Variants in AOPEP observed in about 807,000 individuals in gnomAD.
AOPEP encodes the protein aminopeptidase O (putative), also known as aminopeptidase O.
Under a neutral mutation model 98.1 loss-of-function variants are expected in AOPEP, and 77 were observed. The ratio of observed to expected loss-of-function variants is 0.78; its 90% CI spans 0.65 to 0.95. The LOEUF is 0.95. Among genes scored for constraint, AOPEP ranks in the 40% least tolerant of loss-of-function variants. The pLI is 0.00. For synonymous variants in AOPEP, 346 were observed against 365.3 expected (o/e 0.95, Z 0.60); for missense variants, 1,024 against 1,024.7 (o/e 1.00, Z 0.01).
intron 3 of AOPEP, among the ~76,000 whole-genome samples, chr9:94,775,781 T>G (rs1014390974): frequency 3.9e-5 from 6 of 152,066 alleles, no homozygotes; most frequent in African/African-American, 1.4e-4. Flanking sequence ...GAGACCATTC[T>G]GGCTAACACG....
At chr9:94,920,884 A>G (rs1328582782) in intron 5 of AOPEP, among the ~76,000 whole-genome samples, 2 of 152,154 alleles carry the variant, frequency 1.3e-5, no homozygotes, top group African/African-American at 4.8e-5. Flanking sequence ...TCTGCTGGGG[A>G]AGAATGACAA....
chr9:94,864,273 T>C (rs1408895739), intron 5 of AOPEP, among the ~76,000 whole-genome samples: 3 of 152,226 alleles, frequency 2.0e-5, no homozygotes, highest in Non-Finnish European at 4.4e-5. Context: ...GAAATAATTA[T>C]GAGATAATAG....
chr9:94,817,981 A>G (rs950435094), intron 5 of AOPEP, among the ~76,000 whole-genome samples: 2 of 152,164 alleles, frequency 1.3e-5, no homozygotes, highest in African/African-American at 4.8e-5. Context: ...TGCTCCTTGG[A>G]AGCCATCCAG....
At chr9:95,144,319 C>A in the AOPEP span, among the ~76,000 whole-genome samples, 2 of 152,210 alleles carry the variant, frequency 1.3e-5, no homozygotes, top group African/African-American at 4.8e-5. Flanking sequence ...GACCACCCAG[C>A]ACTTCTGGAC....
chr9:94,753,864 A>G (rs1836399286), intron 1 of AOPEP, among the ~76,000 whole-genome samples: 1 of 152,188 alleles, frequency 6.6e-6, no homozygotes, highest in African/African-American at 2.4e-5. Context: ...TCTTCTCAGG[A>G]TACACCTGTG....
At chr9:94,924,410 G>A (rs1284357267) in intron 6 of AOPEP, among the ~76,000 whole-genome samples, 1 of 152,228 alleles carries the variant, frequency 6.6e-6, no homozygotes, top group Admixed American at 6.5e-5. Flanking sequence ...TTGGAGTACT[G>A]TGAAGAGAAA....
chr9:94,898,611 G>A (rs2049912660), intron 5 of AOPEP, among the ~76,000 whole-genome samples: 1 of 144,796 alleles, frequency 6.9e-6, no homozygotes, highest in Non-Finnish European at 1.5e-5. Flanking sequence ...CAGCCTGGGC[G>A]ACAGAACAAG....
chr9:95,024,620 G>A (rs983296599), intron 13 of AOPEP, among the ~76,000 whole-genome samples: 3 of 152,238 alleles, frequency 2.0e-5, no homozygotes, highest in African/African-American at 7.2e-5. Context: ...GTTCCATGAG[G>A]CCTTTGGCCG....
At chr9:94,877,353 C>A (rs945869200) in intron 5 of AOPEP, among the ~76,000 whole-genome samples, 1 of 151,138 alleles carries the variant, frequency 6.6e-6, no homozygotes, top group Admixed American at 6.6e-5. Context: ...TTTTTGGGTT[C>A]GTTTATAGCA....
At chr9:94,985,199 G>A (rs1262601986) in intron 11 of AOPEP, among the ~76,000 whole-genome samples, 1 of 152,230 alleles carries the variant, frequency 6.6e-6, no homozygotes, top group Non-Finnish European at 1.5e-5. Context: ...CCCAGAAATA[G>A]GCAGAAAGCA....
intron 3 of AOPEP, among the ~76,000 whole-genome samples, chr9:94,791,503 C>CAA (rs34364751): frequency 1.5e-4 from 21 of 137,010 alleles, no homozygotes; most frequent in Admixed American, 7.8e-4. Flanking sequence ...ACCTGTCTCT[C>CAA]AAAAAAAAAA....
At chr9:94,984,862 C>T (rs1407318268) in intron 11 of AOPEP, among the ~76,000 whole-genome samples, 1 of 152,188 alleles carries the variant, frequency 6.6e-6, no homozygotes, top group African/African-American at 2.4e-5. Flanking sequence ...AAAGATAGAG[C>T]TGGTTAATCC....
At chr9:94,803,047 G>T (rs915409817) in intron 5 of AOPEP, among the ~76,000 whole-genome samples, 7 of 152,150 alleles carry the variant, frequency 4.6e-5, no homozygotes, top group African/African-American at 1.7e-4. Context: ...TTTGCTTGAG[G>T]TTTTATAAAG....
intron 5 of AOPEP, among the ~76,000 whole-genome samples, chr9:94,847,975 T>C (rs779745616): frequency 3.3e-5 from 5 of 152,140 alleles, no homozygotes; most frequent in Non-Finnish European, 5.9e-5. Context: ...TGGGGACATA[T>C]CACTTAGGCT....
Position 94,792,650 on chromosome 9 carries a change from G to A in AOPEP, c.965-115G>A, listed in dbSNP as rs1588236989. 2.5e-5 allele frequency: 25 copies of A among 1,006,932 alleles called. No individual in the cohort carries two copies. In the East Asian group the frequency reaches 6.2e-4, roughly 25 times the overall value. The allele number at this position is 1,006,932 out of a possible 1,614,324, so 62.4% of individuals were successfully genotyped here. ...CTGCTGACGTGACCGACCTCCAAGAGTTGGCTCTTACCAGCTTATCACAAA... is the reference window on the plus strand; with the variant it reads ...CTGCTGACGTGACCGACCTCCAAGAATTGGCTCTTACCAGCTTATCACAAA... On this transcript the variant is annotated intron_variant, in intron 3 of 16. Coordinates refer to ENST00000375315, the MANE Select transcript of AOPEP (RefSeq NM_001193329.3).
chr9:95,029,160 TCTC>T (rs1341997001), intron 13 of AOPEP, among the ~76,000 whole-genome samples: 3 of 152,134 alleles, frequency 2.0e-5, no homozygotes, highest in East Asian at 1.9e-4. Context: ...CAACATGAAA[TCTC>T]CTGTCACCGT....
intron 5 of AOPEP, among the ~76,000 whole-genome samples, chr9:94,851,517 C>T (rs1406444908): frequency 6.6e-6 from 1 of 151,792 alleles, no homozygotes; most frequent in Non-Finnish European, 1.5e-5. Flanking sequence ...ATGATTCCCT[C>T]CAGACCTCGT....
chr9:94,940,588 C>T (rs1207662340), intron 7 of AOPEP, among the ~76,000 whole-genome samples: 1 of 151,944 alleles, frequency 6.6e-6, no homozygotes, highest in African/African-American at 2.4e-5. Context: ...AGTGAGACTC[C>T]ATCTCAATAA....
At chr9:95,064,362 T>G (rs1314013537) in intron 14 of AOPEP, among the ~76,000 whole-genome samples, 3 of 152,256 alleles carry the variant, frequency 2.0e-5, no homozygotes, top group Non-Finnish European at 4.4e-5. Context: ...TGGCACGATC[T>G]TGGCTCACTG....
Sources: allele counts gnomAD v4.1 joint callset (sites outside exome capture counted in the v4.1 genomes callset), GRCh38; gene constraint gnomAD v4.1.1; transcripts MANE v1.5; gene names NCBI Gene and HGNC (gene_info 2026-07-23, HGNC 2026-07-21).